The following CNTN4 variants were observed in gnomAD, a reference collection of about 807,000 sequenced individuals.
CNTN4 encodes the protein contactin-4.
In CNTN4, 77 loss-of-function variants were observed where a neutral mutation model predicts 122.5. The ratio of observed to expected loss-of-function variants is 0.63; its 90% CI spans 0.52 to 0.76. The LOEUF is 0.76. Ranked by LOEUF, CNTN4 falls within the 30% of genes least tolerant of loss-of-function variation. CNTN4 has a pLI of 0.00. For synonymous variants in CNTN4, 512 were observed against 447.0 expected (o/e 1.15, Z -1.83); for missense variants, 1,256 against 1,259.1 (o/e 1.00, Z 0.04).
intron 3 of CNTN4, among the ~76,000 whole-genome samples, chr3:2,498,535 C>T (rs2076512208): frequency 6.6e-6 from 1 of 152,084 alleles, no homozygotes; most frequent in Admixed American, 6.6e-5. Context: ...GGAGTGCATG[C>T]AGTGGCATGA....
intron 7 of CNTN4, among the ~76,000 whole-genome samples, chr3:2,826,766 G>C (rs867415917): frequency 1.3e-5 from 2 of 152,320 alleles, no homozygotes; most frequent in Middle Eastern, 3.4e-3. Flanking sequence ...AAAGTGAGCA[G>C]CCTCTATGCC....
chr3:2,251,175 G>A (rs978306902), intron 2 of CNTN4, among the ~76,000 whole-genome samples: 10 of 151,816 alleles, frequency 6.6e-5, no homozygotes, highest in Admixed American at 3.3e-4. Flanking sequence ...GATACACCTT[G>A]AATATGCCAC....
chr3:2,167,489 CATT>C (rs1574981852), intron 2 of CNTN4, among the ~76,000 whole-genome samples: 1 of 152,226 alleles, frequency 6.6e-6, no homozygotes, highest in East Asian at 1.9e-4. Flanking sequence ...GAAGGACACA[CATT>C]ATGATGAATT....
chr3:3,004,595 A>G (rs957119664), intron 14 of CNTN4, among the ~76,000 whole-genome samples: 2 of 152,246 alleles, frequency 1.3e-5, no homozygotes, highest in Non-Finnish European at 2.9e-5. Context: ...ATTACCACCT[A>G]TAAGCTGTTG....
chr3:2,915,730 C>T (rs62232788), intron 12 of CNTN4, among the ~76,000 whole-genome samples: 58,255 of 152,000 alleles, frequency 0.38, 11,368 homozygotes, highest in East Asian at 0.64. Flanking sequence ...AAACAGCATC[C>T]TGAAGAGAGA....
chr3:2,680,108 C>T (rs1167319663), intron 4 of CNTN4, among the ~76,000 whole-genome samples: 1 of 152,102 alleles, frequency 6.6e-6, no homozygotes, highest in Non-Finnish European at 1.5e-5. Context: ...GAAAGTGAAT[C>T]CCTGCCTTCA....
intron 3 of CNTN4, among the ~76,000 whole-genome samples, chr3:2,432,253 GTGC>G (rs1251645796): frequency 6.6e-6 from 1 of 152,072 alleles, no homozygotes; most frequent in Non-Finnish European, 1.5e-5. Context: ...TTCCATCACT[GTGC>G]TTATGCATTC....
At chr3:2,162,951 G>T (rs2036030356) in intron 2 of CNTN4, among the ~76,000 whole-genome samples, 1 of 152,020 alleles carries the variant, frequency 6.6e-6, no homozygotes, top group Non-Finnish European at 1.5e-5. Context: ...ATAAAAATTA[G>T]CTGGGTGTGG....
At chr3:2,121,076 C>A (rs1333338788) in intron 2 of CNTN4, among the ~76,000 whole-genome samples, 1 of 143,174 alleles carries the variant, frequency 7.0e-6, no homozygotes, top group East Asian at 2.0e-4. Flanking sequence ...GACTTCCTTC[C>A]TCCCTCCCTT....
At chr3:2,461,553 T>C (rs1219116408) in intron 3 of CNTN4, among the ~76,000 whole-genome samples, 1 of 152,150 alleles carries the variant, frequency 6.6e-6, no homozygotes. Flanking sequence ...GAACCTGAGC[T>C]CTTAACCGCT....
chr3:2,424,264 G>T (rs1282337626), intron 3 of CNTN4, among the ~76,000 whole-genome samples: 1 of 128,590 alleles, frequency 7.8e-6, no homozygotes, highest in Non-Finnish European at 1.6e-5. Flanking sequence ...CTTTTCCTGT[G>T]TCCAACTGTT....
At chr3:2,656,299 A>C (rs1180942072) in intron 4 of CNTN4, among the ~76,000 whole-genome samples, 5 of 152,390 alleles carry the variant, frequency 3.3e-5, no homozygotes, top group African/African-American at 1.2e-4. Context: ...ATGGATAAGA[A>C]GGTAAAAATG....
At chr3:2,420,806 A>T (rs1429037692) in intron 3 of CNTN4, among the ~76,000 whole-genome samples, 2 of 152,042 alleles carry the variant, frequency 1.3e-5, no homozygotes, top group Non-Finnish European at 1.5e-5. Context: ...TTCTTAAACT[A>T]GTTACACTGT....
chr3:2,700,448 A>T (rs137942824), intron 4 of CNTN4, among the ~76,000 whole-genome samples: 5 of 152,364 alleles, frequency 3.3e-5, no homozygotes, highest in South Asian at 4.1e-4. Flanking sequence ...AGAGATTTTC[A>T]TCATTTCCAA....
intron 4 of CNTN4, among the ~76,000 whole-genome samples, chr3:2,592,478 G>C (rs2080544084): frequency 6.6e-6 from 1 of 152,156 alleles, no homozygotes; most frequent in Admixed American, 6.5e-5. Flanking sequence ...GACGTACCGG[G>C]TAAGAGATGA....
chr3:2,709,341 G>A lies in CNTN4; in HGVS notation c.56-26874G>A, dbSNP rs1481152112. On this transcript the variant is annotated intron_variant, in intron 4 of 24. Transcript: ENST00000418658. The surrounding 1 kb of genome is among the most constrained non-coding windows in gnomAD (Gnocchi z 5.0). ...GGCTGCATATTAGAATCATCTGGGG[G>A]TCCTTAAAAAATACTGATGCGTAGG... is the stretch of plus-strand genomic sequence containing the variant. 6.6e-6 allele frequency among the ~76,000 whole-genome samples: 1 copy of A among 152,006 alleles called. No homozygotes were observed. Among genetic ancestry groups the A allele is most frequent in the South Asian group, 2.1e-4 (1 of 4,818 alleles).
In CNTN4 at chr3:2,298,527, T is replaced by TG. The variant is rs567725771; in HGVS notation, c.-144-40650dup. The stretch of plus-strand genomic sequence containing the variant: ...TTTCTTTCTTCTGTCCCCCGACTCT[T>TG]GCCTCTTTCTTAGTCTCTCCGTCCA... On this transcript the variant is annotated intron_variant, in intron 2 of 24. Coordinates refer to ENST00000418658, the MANE Select transcript of CNTN4 (RefSeq NM_175607.3). Among the ~76,000 whole-genome samples the TG allele has an allele frequency of 2.2e-3, 330 of 152,312 alleles. 5 individuals are homozygous for TG. Among genetic ancestry groups the TG allele is most frequent in the African/African-American group, 7.5e-3 (313 of 41,578 alleles).
At chr3:2,239,551 T>C (rs895775940) in intron 2 of CNTN4, among the ~76,000 whole-genome samples, 1 of 152,182 alleles carries the variant, frequency 6.6e-6, no homozygotes, top group Non-Finnish European at 1.5e-5. Context: ...TCTTGGGCAA[T>C]TCAGTTTCCC....
chr3:2,353,502 C>T (rs1036621795), intron 3 of CNTN4, among the ~76,000 whole-genome samples: 1 of 152,220 alleles, frequency 6.6e-6, no homozygotes, highest in African/African-American at 2.4e-5. Context: ...CCCTTAAGAG[C>T]TATGTCCTTA....
Sources: gnomAD v4.1 joint callset for allele counts (sites outside exome capture counted in the v4.1 genomes callset) on GRCh38, gnomAD v4.1.1 for gene constraint, Gnocchi (gnomAD v3.1) non-coding constraint, MANE v1.5 for transcripts, NCBI Gene and HGNC (gene_info 2026-07-23, HGNC 2026-07-21) for gene names.